COL23A1: variants seen among roughly 807,000 people sequenced by gnomAD.
The protein encoded by COL23A1 is collagen alpha-1(XXIII) chain.
In COL23A1, 97 loss-of-function variants were observed where a neutral mutation model predicts 99.3. That is an observed-to-expected ratio of 0.98 (90% CI 0.83 to 1.16). The LOEUF is 1.16. Among genes scored for constraint, COL23A1 ranks in the 50% most tolerant of loss-of-function variants. The pLI is 0.00. For missense variants in COL23A1, 762 were observed against 757.4 expected, an observed-to-expected ratio of 1.01 and a Z score of -0.07; for synonymous variants, 320 against 308.2, an observed-to-expected ratio of 1.04 and a Z score of -0.40.
At position 178,370,109 on chromosome 5, in the gene COL23A1, C is replaced by T. The variant is rs760150134; in HGVS notation, c.362-63190G>A. ...ACCAAATTCATGCCACGTGTCTGCACGGCAGGTTCCCATAATCAATGTCAC... is the reference window on the plus strand; with the variant it reads ...ACCAAATTCATGCCACGTGTCTGCATGGCAGGTTCCCATAATCAATGTCAC... On this transcript the variant is annotated intron_variant, in intron 2 of 28. Transcript: ENST00000390654. Among the ~76,000 whole-genome samples, 10 of 152,224 alleles carry T rather than the reference C, an allele frequency of 6.6e-5. No homozygotes were observed. The East Asian group carries it at 9.6e-4, about 15-fold the overall frequency.
intron 2 of COL23A1, among the ~76,000 whole-genome samples, chr5:178,517,403 G>A (rs1759582425): frequency 6.6e-6 from 1 of 152,076 alleles, no homozygotes; most frequent in African/African-American, 2.4e-5. Flanking sequence ...GAGGGAGAGG[G>A]CCCATGTCCC....
intron 2 of COL23A1, among the ~76,000 whole-genome samples, chr5:178,343,042 G>A (rs2127665017): frequency 6.6e-6 from 1 of 152,364 alleles, no homozygotes; most frequent in African/African-American, 2.4e-5. Flanking sequence ...GAAATTTTGA[G>A]TACTGAACTT....
chr5:178,334,209 C>A (rs781405211), intron 2 of COL23A1, among the ~76,000 whole-genome samples: 4 of 152,194 alleles, frequency 2.6e-5, no homozygotes, highest in Non-Finnish European at 5.9e-5. Context: ...CTCTAAGCAG[C>A]CTCACCTCAC....
chr5:178,451,684 G>A (rs4288132), intron 2 of COL23A1, among the ~76,000 whole-genome samples: 66,763 of 145,938 alleles, frequency 0.46, 17,313 homozygotes, highest in African/African-American at 0.71. Context: ...AAATTAACAC[G>A]GAAATCAATA....
chr5:178,565,496 G>A (rs569144191), intron 1 of COL23A1, among the ~76,000 whole-genome samples: 4 of 152,182 alleles, frequency 2.6e-5, no homozygotes, highest in African/African-American at 4.8e-5. Context: ...CCAGCAACCC[G>A]AGGAGACTCC....
intron 2 of COL23A1, among the ~76,000 whole-genome samples, chr5:178,558,820 G>A (rs933043032): frequency 2.7e-5 from 4 of 148,152 alleles, no homozygotes; most frequent in Non-Finnish European, 3.0e-5. Flanking sequence ...ATGGAGTCTC[G>A]CTCTGTCACC....
chr5:178,445,694 T>C (rs1246627706), intron 2 of COL23A1, among the ~76,000 whole-genome samples: 1 of 152,060 alleles, frequency 6.6e-6, no homozygotes, highest in Admixed American at 6.5e-5. Flanking sequence ...AATATTTAAC[T>C]ACAGAAAATT....
At chr5:178,335,137 C>T (rs918034575) in intron 2 of COL23A1, among the ~76,000 whole-genome samples, 1 of 152,244 alleles carries the variant, frequency 6.6e-6, no homozygotes, top group African/African-American at 2.4e-5. Flanking sequence ...AGGGCCTGCC[C>T]TGGTGCGCCA....
At position 178,308,545 on chromosome 5, in the gene COL23A1, C is replaced by T. The variant is rs1196235660; in HGVS notation, c.362-1626G>A. 2.0e-5 allele frequency among the ~76,000 whole-genome samples: 3 copies of T among 152,160 alleles called. No homozygotes were observed. The highest frequency in any genetic ancestry group is 6.6e-5 in the Admixed American group (1 of 15,266). ...CTGGGACCCTCAGAACAGACAACAG[C>T]TCCTCATACTGTGTGGGTTTACAGC... On this transcript the variant is annotated intron_variant, in intron 2 of 28. Coordinates refer to ENST00000390654, the MANE Select transcript of COL23A1 (RefSeq NM_173465.4). This position sits in a 1 kb window ranked among gnomAD's most constrained non-coding sequence, Gnocchi z 5.1.
chr5:178,462,135 A>G (rs912276122), intron 2 of COL23A1, among the ~76,000 whole-genome samples: 4 of 152,214 alleles, frequency 2.6e-5, no homozygotes, highest in African/African-American at 9.6e-5. Context: ...GTAGCCATCT[A>G]CTCAACATTT....
chr5:178,556,781 C>T (rs1762299033), intron 2 of COL23A1, among the ~76,000 whole-genome samples: 1 of 151,070 alleles, frequency 6.6e-6, no homozygotes, highest in African/African-American at 2.4e-5. Flanking sequence ...GATGAAACCC[C>T]GTCTCTACTA....
intron 1 of COL23A1, among the ~76,000 whole-genome samples, chr5:178,580,945 C>T (rs1763631106): frequency 1.3e-5 from 2 of 152,046 alleles, no homozygotes; most frequent in South Asian, 4.1e-4. Flanking sequence ...GGAGCGGAGG[C>T]TGCAGTGAGC....
chr5:178,531,750 G>C (rs1445424704), intron 2 of COL23A1, among the ~76,000 whole-genome samples: 2 of 152,222 alleles, frequency 1.3e-5, no homozygotes, highest in Non-Finnish European at 1.5e-5. Flanking sequence ...GGGCCAAGCT[G>C]AGAGAGCTTC....
intron 4 of COL23A1, 125 bp from the exon 5 acceptor site, chr5:178,288,475 A>C (rs1757276984): frequency 1.2e-6 from 1 of 855,292 alleles, no homozygotes; most frequent in South Asian, 1.3e-5. Context: ...CTTCCTCTGC[A>C]GCGGGAGGAC....
chr5:178,314,088 C>T (rs1243967863), intron 2 of COL23A1, among the ~76,000 whole-genome samples: 2 of 152,114 alleles, frequency 1.3e-5, no homozygotes, highest in Admixed American at 6.5e-5. Flanking sequence ...GACCCTACTG[C>T]TCCTGGAGGG....
Position 178,255,027 on chromosome 5 carries a change from C to T in COL23A1, c.883-1G>A. The T allele has an allele frequency of 1.2e-6, 2 of 1,612,970 alleles. No homozygotes were observed. The highest frequency in any genetic ancestry group is 8.5e-7 in the Non-Finnish European group (1 of 1,179,238). On this transcript the variant is annotated splice_acceptor_variant, in intron 15 of 28. Transcript: ENST00000390654. LOFTEE classifies it high-confidence loss of function. This position sits in a 1 kb window ranked among gnomAD's most constrained non-coding sequence, Gnocchi z 4.2. The stretch of plus-strand genomic sequence containing the variant: ...GCTCGCCCTTGAGGCCTGGGGCACC[C>T]TGAGGCAGGAAGAAGAGTAAGAATT...
chr5:178,329,151 A>G (rs1192418967), intron 2 of COL23A1, among the ~76,000 whole-genome samples: 1 of 152,200 alleles, frequency 6.6e-6, no homozygotes, highest in Non-Finnish European at 1.5e-5. Flanking sequence ...TGTCCCCCAT[A>G]GCCTGCTAGA....
At chr5:178,324,486 A>T (rs1191877615) in intron 2 of COL23A1, among the ~76,000 whole-genome samples, 1 of 152,220 alleles carries the variant, frequency 6.6e-6, no homozygotes, top group South Asian at 2.1e-4. Flanking sequence ...TACAATGACC[A>T]CGACCGCTGC....
At chr5:178,480,249 T>A (rs1385144154) in intron 2 of COL23A1, among the ~76,000 whole-genome samples, 2 of 152,154 alleles carry the variant, frequency 1.3e-5, no homozygotes, top group African/African-American at 4.8e-5. Context: ...ATCCAAAGAT[T>A]ATTCTCCAAA....
Sources: allele counts gnomAD v4.1 joint callset (sites outside exome capture counted in the v4.1 genomes callset), GRCh38; gene constraint gnomAD v4.1.1; non-coding constraint Gnocchi (gnomAD v3.1); transcripts MANE v1.5; gene names NCBI Gene and HGNC (gene_info 2026-07-23, HGNC 2026-07-21).